KIF1B: variants seen among roughly 807,000 people sequenced by gnomAD.
KIF1B encodes the protein kinesin-like protein KIF1B.
Under a neutral mutation model 241.9 loss-of-function variants are expected in KIF1B, and 76 were observed. That is an observed-to-expected ratio of 0.31 (90% CI 0.26 to 0.38). The LOEUF (loss-of-function observed/expected upper bound fraction) is 0.38. Among genes scored for constraint, KIF1B ranks in the 10% least tolerant of loss-of-function variants. The pLI is 1.00. For synonymous variants in KIF1B, 750 were observed against 796.7 expected (o/e 0.94, Z 0.99); for missense variants, 1,622 against 2,271.4 (o/e 0.71, Z 5.81).
intron 31 of KIF1B, among the ~76,000 whole-genome samples, chr1:10,338,765 A>C (rs1014126928): frequency 2.6e-5 from 4 of 152,150 alleles, no homozygotes; most frequent in African/African-American, 9.7e-5. Flanking sequence ...CTGTGCCGGG[A>C]AGGTATGGCT....
At chr1:10,291,432 C>T (rs548145055) in intron 16 of KIF1B, among the ~76,000 whole-genome samples, 2 of 152,188 alleles carry the variant, frequency 1.3e-5, no homozygotes, top group East Asian at 3.9e-4. Context: ...ACATATTGGC[C>T]AGGCGCGGTG....
At chr1:10,218,045 T>C (rs1357987255) in intron 1 of KIF1B, among the ~76,000 whole-genome samples, 1 of 151,994 alleles carries the variant, frequency 6.6e-6, no homozygotes, top group Non-Finnish European at 1.5e-5. Context: ...GGGAGGAAAA[T>C]CCCTCCTTCG....
chr1:10,298,073 G>T (rs1162612569), intron 22 of KIF1B, among the ~76,000 whole-genome samples: 1 of 152,136 alleles, frequency 6.6e-6, no homozygotes, highest in Non-Finnish European at 1.5e-5. Context: ...AACCAATTTT[G>T]GTTAACAAAG....
chr1:10,306,031 G>GT (rs967122954), intron 22 of KIF1B: 431 of 1,033,102 alleles, frequency 4.2e-4, no homozygotes, highest in East Asian at 1.4e-3. Context: ...TTGTGATTAT[G>GT]TTTTTTTTTC....
At position 10,374,479 on chromosome 1, in the gene KIF1B, T is replaced by G; in HGVS notation, c.5096+14T>G. ...AATTAGACCAAGGTGAGTACTATAT[T>G]GAGCAGGAATGCCAGCTATAAAAAA... On this transcript the variant is annotated intron_variant, in intron 46 of 48. Transcript: ENST00000676179. The surrounding 1 kb of genome is among the most constrained non-coding windows in gnomAD (Gnocchi z 4.3). 6.2e-7 allele frequency: 1 copy of G among 1,613,950 alleles called. No individual in the cohort carries two copies. Among genetic ancestry groups the G allele is most frequent in the Non-Finnish European group, 8.5e-7 (1 of 1,179,848 alleles).
intron 22 of KIF1B, among the ~76,000 whole-genome samples, chr1:10,313,503 G>A (rs1651156892): frequency 6.6e-6 from 1 of 151,062 alleles, no homozygotes; most frequent in South Asian, 2.1e-4. Flanking sequence ...AGAACAGCCA[G>A]TGCTGTGCCT....
intron 22 of KIF1B, among the ~76,000 whole-genome samples, chr1:10,314,359 T>G (rs1651210653): frequency 6.6e-6 from 1 of 151,420 alleles, no homozygotes; most frequent in African/African-American, 2.5e-5. Flanking sequence ...ATTCAATAGA[T>G]GATGTTGATA....
At chr1:10,339,463 A>T (rs974357904) in intron 31 of KIF1B, among the ~76,000 whole-genome samples, 6 of 152,200 alleles carry the variant, frequency 3.9e-5, no homozygotes, top group Non-Finnish European at 8.8e-5. Context: ...ATTTTTAGTA[A>T]AAAGCTTTTA....
At position 10,249,729 on chromosome 1, in the gene KIF1B, C is replaced by G. The variant is rs144887369; in HGVS notation, c.107-6518C>G. Among the ~76,000 whole-genome samples the G allele has an allele frequency of 3.9e-5, 6 of 152,240 alleles. No individual in the cohort carries two copies. In the East Asian group the frequency reaches 9.7e-4, roughly 25 times the overall value. On this transcript the variant is annotated intron_variant, in intron 2 of 48. Coordinates refer to ENST00000676179, the MANE Select transcript of KIF1B (RefSeq NM_001365951.3). Reference sequence around the variant, plus strand: ...CCAGCTGGAGCAACCTAGGGAGACCCTGTCTCTACAAAAAAATAAACAAAT... The same window carrying G: ...CCAGCTGGAGCAACCTAGGGAGACCGTGTCTCTACAAAAAAATAAACAAAT...
At chr1:10,348,805 T>G in intron 37 of KIF1B, 72 bp downstream of exon 37, 1 of 1,103,206 alleles carries the variant, frequency 9.1e-7, no homozygotes, top group East Asian at 2.4e-5. Flanking sequence ...AGATAGGGTC[T>G]TGCTCTGTCA....
At position 10,264,359 on chromosome 1, in the gene KIF1B, TTG is replaced by T. The variant is rs1569624314; in HGVS notation, c.429+2390_429+2391del. ...ATCTGCCAGGTGGCATCTGGAGTGG[TTG>T]GTGCAGAAGTAAAAGAAATGATGAT... On this transcript the variant is annotated intron_variant, in intron 5 of 48. Coordinates refer to ENST00000676179, the MANE Select transcript of KIF1B (RefSeq NM_001365951.3). Among the ~76,000 whole-genome samples, 4 of 152,120 alleles carry T rather than the reference TTG, an allele frequency of 2.6e-5. No homozygotes were observed. In the East Asian group the frequency reaches 7.7e-4, roughly 29 times the overall value.
chr1:10,351,448 C>G (rs1052255336), intron 37 of KIF1B, among the ~76,000 whole-genome samples: 2 of 152,108 alleles, frequency 1.3e-5, no homozygotes, highest in Non-Finnish European at 2.9e-5. Flanking sequence ...TTGTTTAATC[C>G]TCATAGCAAC....
At chr1:10,286,809 G>T (rs1315850868) in intron 15 of KIF1B, among the ~76,000 whole-genome samples, 1 of 152,112 alleles carries the variant, frequency 6.6e-6, no homozygotes, top group Non-Finnish European at 1.5e-5. Context: ...GGAGCTTAAA[G>T]AAGAGTTCCT....
At chr1:10,221,094 C>CTTTTTTTT (rs34039054) in intron 1 of KIF1B, among the ~76,000 whole-genome samples, 9 of 94,244 alleles carry the variant, frequency 9.5e-5, no homozygotes, top group African/African-American at 2.1e-4. Flanking sequence ...CAGAAAGAAG[C>CTTTTTTTT]TTTTTTTTTT....
intron 3 of KIF1B, among the ~76,000 whole-genome samples, chr1:10,257,838 G>A (rs1647888292): frequency 6.6e-6 from 1 of 152,060 alleles, no homozygotes; most frequent in South Asian, 2.1e-4. Flanking sequence ...ACCACACCCG[G>A]CTGATTTTTT....
chr1:10,348,706 T>G lies in KIF1B; in HGVS notation c.3922T>G (p.Trp1308Gly). Residue 1308 changes from tryptophan (W) to glycine (G), a missense_variant, in exon 37 of 49, where the codon TGG becomes GGG. Physicochemically the swap from Trp to Gly is radical, Grantham distance 184. Transcript: ENST00000676179. ...CCATGAGAAGGGGAGCGAGCTCCAT[T>G]GGAAAGATGTTCGTGAACTGGTGGT... Reference protein sequence around the residue: ...IIHEKGSELHWKDVRELVVGR... With the variant: ...IIHEKGSELHGKDVRELVVGR... 6.2e-7 allele frequency: 1 copy of G among 1,614,052 alleles called. No individual in the cohort carries two copies. The highest frequency in any genetic ancestry group is 8.5e-7 in the Non-Finnish European group (1 of 1,179,954).
chr1:10,269,590 C>T (rs1428568521), intron 7 of KIF1B, among the ~76,000 whole-genome samples: 5 of 150,358 alleles, frequency 3.3e-5, no homozygotes, highest in African/African-American at 9.8e-5. Context: ...GAGGCTGAGG[C>T]GGGTGGATCA....
At position 10,365,689 on chromosome 1, in the gene KIF1B, G is replaced by A. The variant is rs1424296640; in HGVS notation, c.4752+41G>A. 6 of 1,612,726 alleles carry A rather than the reference G, an allele frequency of 3.7e-6. No homozygotes were observed. The African/African-American group carries it at 4.0e-5, about 11-fold the overall frequency. ...TCTTTGCTGAACGTCTTCCCACAAG[G>A]CTCCACAAACTAGCCTCTCGGTTTA... On this transcript the variant is annotated intron_variant, in intron 43 of 48. Transcript: ENST00000676179. This position sits in a 1 kb window ranked among gnomAD's most constrained non-coding sequence, Gnocchi z 4.0.
chr1:10,262,203 G>A (rs41280816), intron 5 of KIF1B, among the ~76,000 whole-genome samples: 2,833 of 152,212 alleles, frequency 0.019, 41 homozygotes, highest in Non-Finnish European at 0.028. Context: ...GCCCTGGAGT[G>A]CAGTGGCGTG....
Sources: allele counts gnomAD v4.1 joint callset (sites outside exome capture counted in the v4.1 genomes callset), GRCh38; gene constraint gnomAD v4.1.1; non-coding constraint Gnocchi (gnomAD v3.1); transcripts MANE v1.5; gene names NCBI Gene and HGNC (gene_info 2026-07-23, HGNC 2026-07-21).